The following PCDH15 variants were observed in gnomAD, a reference collection of about 807,000 sequenced individuals.
The protein encoded by PCDH15 is protocadherin-15.
A neutral mutation model predicts 178.5 loss-of-function variants in PCDH15; 129 were observed. The ratio of observed to expected loss-of-function variants is 0.72; its 90% CI spans 0.63 to 0.84. The LOEUF is 0.84. PCDH15 is among the 40% of genes least tolerant of loss of function. The pLI is 0.00. For synonymous variants in PCDH15, 800 were observed against 732.0 expected, an observed-to-expected ratio of 1.09 and a Z score of -1.50; for missense variants, 2,230 against 2,099.9, an observed-to-expected ratio of 1.06 and a Z score of -1.21.
intron 8 of PCDH15, among the ~76,000 whole-genome samples, chr10:54,311,886 T>C (rs886371175): frequency 6.6e-6 from 1 of 152,044 alleles, no homozygotes; most frequent in African/African-American, 2.4e-5. Context: ...GTTCATGAGA[T>C]AAATTTATTA....
At chr10:54,913,392 G>A (rs888570443) in intron 2 of PCDH15, among the ~76,000 whole-genome samples, 1 of 152,196 alleles carries the variant, frequency 6.6e-6, no homozygotes, top group Admixed American at 6.5e-5. Flanking sequence ...CCATATGTGT[G>A]CAGAGGGCAA....
At chr10:55,123,480 T>A (rs1837823037) in intron 2 of PCDH15, among the ~76,000 whole-genome samples, 1 of 152,126 alleles carries the variant, frequency 6.6e-6, no homozygotes, top group Admixed American at 6.6e-5. Flanking sequence ...GTTGTAAATA[T>A]ATTTGACCAC....
chr10:54,709,455 A>T (rs544726222), intron 1 of PCDH15, among the ~76,000 whole-genome samples: 44 of 151,632 alleles, frequency 2.9e-4, no homozygotes, highest in Middle Eastern at 3.4e-3. Context: ...AATGAATATG[A>T]GGATAATAAT....
chr10:55,027,258 T>C (rs1840497742), intron 2 of PCDH15, among the ~76,000 whole-genome samples: 1 of 151,890 alleles, frequency 6.6e-6, no homozygotes. Flanking sequence ...AAAGAACTAG[T>C]TGGCAATCAA....
chr10:54,346,275 G>A, intron 6 of PCDH15, 90 bp downstream of exon 6: 1 of 1,267,464 alleles, frequency 7.9e-7, no homozygotes, highest in Non-Finnish European at 1.1e-6. Context: ...GGTTCTGGAA[G>A]TTACTGAATA....
intron 10 of PCDH15, among the ~76,000 whole-genome samples, chr10:54,208,277 G>A (rs948624395): frequency 2.6e-5 from 4 of 151,980 alleles, no homozygotes; most frequent in Admixed American, 1.3e-4. Context: ...TTACCTTAGA[G>A]ACCTGGCTAT....
At chr10:53,812,156 A>ATGTT (rs2075889320) in intron 35 of PCDH15, among the ~76,000 whole-genome samples, 1 of 152,150 alleles carries the variant, frequency 6.6e-6, no homozygotes, top group South Asian at 2.1e-4. Context: ...CTTCCCAAGG[A>ATGTT]TGTTTATACT....
intron 2 of PCDH15, among the ~76,000 whole-genome samples, chr10:55,088,567 C>T (rs1452006729): frequency 1.3e-5 from 2 of 152,030 alleles, no homozygotes; most frequent in South Asian, 2.1e-4. Flanking sequence ...AGCCACCCCT[C>T]CCAGACTAGG....
At chr10:54,801,239 T>A (rs551719092), upstream of PCDH15, 11 of 152,346 alleles carry the variant, frequency 7.2e-5, no homozygotes, top group African/African-American at 2.6e-4. Flanking sequence ...AACACTAAGC[T>A]GCTAGCAGGA....
intron 2 of PCDH15, among the ~76,000 whole-genome samples, chr10:54,569,679 G>C (rs1402913323): frequency 1.3e-5 from 2 of 152,080 alleles, no homozygotes; most frequent in Non-Finnish European, 2.9e-5. Flanking sequence ...AAAAGTCTTG[G>C]ATGTTATATC....
chr10:55,578,510 C>T (rs116803062), intron 2 of PCDH15, among the ~76,000 whole-genome samples: 1,701 of 152,214 alleles, frequency 0.011, 34 homozygotes, highest in African/African-American at 0.039. Flanking sequence ...TAAGCCACTG[C>T]GCCCGGCCTG....
At chr10:54,632,178 G>A (rs987749447) in intron 2 of PCDH15, among the ~76,000 whole-genome samples, 1 of 152,070 alleles carries the variant, frequency 6.6e-6, no homozygotes, top group Admixed American at 6.6e-5. Flanking sequence ...ATTAACACAG[G>A]AAGAGAAAAA....
chr10:53,918,502 A>C (rs1287953687), intron 25 of PCDH15, among the ~76,000 whole-genome samples: 1 of 152,236 alleles, frequency 6.6e-6, no homozygotes, highest in East Asian at 1.9e-4. Context: ...GAATTATTGA[A>C]TAAAACGATA....
chr10:54,155,658 T>C (rs1043720448), intron 13 of PCDH15, among the ~76,000 whole-genome samples: 1 of 151,394 alleles, frequency 6.6e-6, no homozygotes, highest in Non-Finnish European at 1.5e-5. Context: ...CCATGTAAGA[T>C]CCCGAAAACT....
chr10:55,583,004 C>A (rs1159757049), intron 2 of PCDH15, among the ~76,000 whole-genome samples: 1 of 151,994 alleles, frequency 6.6e-6, no homozygotes, highest in Non-Finnish European at 1.5e-5. Context: ...CTATGGATAG[C>A]AAATTCCTTC....
At chr10:55,350,268 T>TATATATATAC (rs1327352441) in intron 2 of PCDH15, among the ~76,000 whole-genome samples, 40 of 56,708 alleles carry the variant, frequency 7.1e-4, no homozygotes, top group East Asian at 2.1e-3. Context: ...TATATATATA[T>TATATATATAC]ACACACACAC....
chr10:54,964,030 T>C (rs771969298), intron 2 of PCDH15, among the ~76,000 whole-genome samples: 35 of 152,150 alleles, frequency 2.3e-4, no homozygotes, highest in Non-Finnish European at 3.2e-4. Context: ...GAAGAGGAGT[T>C]GGCAACAGGA....
In PCDH15 at chr10:54,268,297, A is replaced by C. The variant is rs191690037; in HGVS notation, c.877-31366T>G. On this transcript the variant is annotated intron_variant, in intron 8 of 37. Coordinates refer to ENST00000644397, the MANE Select transcript of PCDH15 (RefSeq NM_001384140.1). ...TAACTCAAGATTGATAAAAGACTTAAATGTAAAACTTTAAACTATAAGAAG... is the reference window on the plus strand; with the variant it reads ...TAACTCAAGATTGATAAAAGACTTACATGTAAAACTTTAAACTATAAGAAG... Among the ~76,000 whole-genome samples, 273 of 152,118 alleles carry C rather than the reference A, an allele frequency of 1.8e-3. 1 individual carries two copies. Among genetic ancestry groups the C allele is most frequent in the Admixed American group, 3.1e-3 (48 of 15,258 alleles).
At chr10:54,429,474 A>G (rs931643658) in intron 3 of PCDH15, among the ~76,000 whole-genome samples, 1 of 152,206 alleles carries the variant, frequency 6.6e-6, no homozygotes, top group Non-Finnish European at 1.5e-5. Flanking sequence ...GTAAGTCCAC[A>G]CTTATCAATG....
Sources: allele counts gnomAD v4.1 joint callset (sites outside exome capture counted in the v4.1 genomes callset), GRCh38; gene constraint gnomAD v4.1.1; transcripts MANE v1.5; gene names NCBI Gene and HGNC (gene_info 2026-07-23, HGNC 2026-07-21).